Variants in CCT6B observed in about 807,000 individuals in gnomAD.
CCT6B encodes the protein chaperonin containing TCP1 subunit 6B.
A neutral mutation model predicts 61.5 loss-of-function variants in CCT6B; 49 were observed. The ratio of observed to expected loss-of-function variants is 0.80; its 90% CI spans 0.63 to 1.01. The LOEUF (loss-of-function observed/expected upper bound fraction) is 1.01. CCT6B is among the 50% of genes least tolerant of loss of function. The pLI, the probability that CCT6B is intolerant of heterozygous loss-of-function variation, is 0.00. For synonymous variants in CCT6B, 228 were observed against 214.5 expected (o/e 1.06, Z -0.55); for missense variants, 666 against 634.7 (o/e 1.05, Z -0.53).
chr17:34,934,843 C>T (rs1321597210), intron 10 of CCT6B, among the ~76,000 whole-genome samples: 1 of 152,052 alleles, frequency 6.6e-6, no homozygotes, highest in Non-Finnish European at 1.5e-5. Flanking sequence ...TGTTCTAACA[C>T]CAAAAAAGAT....
chr17:34,958,321 G>A lies in CCT6B; in HGVS notation c.336+239C>T, dbSNP rs186023483. ...TAGCCAGGCATGATGGCGCATGCCTGTAATCCCAGCTACTCGGGAAGCTGA... is the reference window on the plus strand; with the variant it reads ...TAGCCAGGCATGATGGCGCATGCCTATAATCCCAGCTACTCGGGAAGCTGA... On this transcript the variant is annotated intron_variant, in intron 3 of 13. Transcript: ENST00000314144. Among the ~76,000 whole-genome samples the A allele has an allele frequency of 2.6e-3, 399 of 152,242 alleles. 3 individuals carry two copies. The highest frequency in any genetic ancestry group is 0.012 in the Admixed American group (177 of 15,288).
intron 10 of CCT6B, among the ~76,000 whole-genome samples, chr17:34,933,657 TAAGA>T (rs1279966703): frequency 1.3e-5 from 2 of 152,200 alleles, no homozygotes; most frequent in Admixed American, 6.5e-5. Flanking sequence ...CCACCCAGCT[TAAGA>T]AAGAGATTAC....
chr17:34,931,646 A>C (rs2090037913), intron 11 of CCT6B, among the ~76,000 whole-genome samples: 1 of 152,218 alleles, frequency 6.6e-6, no homozygotes, highest in South Asian at 2.1e-4. Flanking sequence ...GCAGGATCAT[A>C]CTGACTTTGC....
chr17:34,939,319 C>T lies in CCT6B; in HGVS notation c.1077G>A (p.Lys359=), dbSNP rs574427480. The change falls in exon 10 of 14, where the codon AAG becomes AAA. Residue 359 remains lysine (K), a synonymous_variant. Coordinates refer to ENST00000314144, the MANE Select transcript of CCT6B (RefSeq NM_006584.4). ...TAACACACTCCTCAATAAAAGTGAA[C>T]TTTTCTTCACCCTAAAGGGTGGCAC... ...LVYEYTLGEE[K]FTFIEECVNP... is the part of the protein sequence containing the mutation. 6.2e-7 allele frequency: 1 copy of T among 1,612,718 alleles called. No homozygotes were observed. The highest frequency in any genetic ancestry group is 1.3e-5 in the African/African-American group (1 of 74,984).
intron 12 of CCT6B, among the ~76,000 whole-genome samples, chr17:34,930,668 T>C (rs1255322673): frequency 6.6e-6 from 1 of 152,200 alleles, no homozygotes; most frequent in Non-Finnish European, 1.5e-5. Flanking sequence ...AGTTTATTTA[T>C]TAAAGTTATT....
intron 5 of CCT6B, among the ~76,000 whole-genome samples, chr17:34,945,759 C>T (rs1228475042): frequency 6.6e-6 from 1 of 152,154 alleles, no homozygotes; most frequent in Non-Finnish European, 1.5e-5. Context: ...ATCAGTCCTA[C>T]TATCAAAAAC....
In CCT6B at chr17:34,948,591, G is replaced by C. The variant is rs186697176; in HGVS notation, c.614+3359C>G. Among the ~76,000 whole-genome samples, 53 of 151,842 alleles carry C rather than the reference G, an allele frequency of 3.5e-4. 1 individual carries two copies. Among genetic ancestry groups the C allele is most frequent in the African/African-American group, 1.2e-3 (50 of 41,424 alleles). The stretch of plus-strand genomic sequence containing the variant: ...TAGCTGAATGTTTTGGCACATGCCC[G>C]CAATACCAGCTACTTGGGAGGCTAA... On this transcript the variant is annotated intron_variant, in intron 5 of 13. Transcript: ENST00000314144.
At position 34,959,645 on chromosome 17, in the gene CCT6B, A is replaced by G. The variant is rs2230552; in HGVS notation, c.143T>C (p.Val48Ala). 359,833 of 1,603,448 alleles carry G rather than the reference A, an allele frequency of 0.22. 45,160 individuals are homozygous for G. Among genetic ancestry groups the G allele is most frequent in the East Asian group, 0.57 (25,433 of 44,804 alleles). The part of the protein sequence containing the change: ...LGPKGTMKML[V>A]SGAGDIKLTK... ...GAGTTTGATGTCACCTGCACCAGAAACAAGCCTGTTCAGAGAAGAATGATA... is the reference window on the plus strand; with the variant it reads ...GAGTTTGATGTCACCTGCACCAGAAGCAAGCCTGTTCAGAGAAGAATGATA... The change falls in exon 2 of 14, where the codon GTT becomes GCT. Residue 48 changes from valine (V) to alanine (A), a missense_variant. Val to Ala is a moderately conservative substitution (Grantham distance 64). Transcript: ENST00000314144.
At chr17:34,932,646 CT>C (rs2090049612) in intron 10 of CCT6B, 146 bp from the exon 11 acceptor site, 1 of 647,380 alleles carries the variant, frequency 1.5e-6, no homozygotes, top group South Asian at 2.7e-5. Flanking sequence ...ACTCAGTTAT[CT>C]TATGAAACAT....
At chr17:34,959,765 G>T (rs1277397394) in intron 1 of CCT6B, 115 bp from the exon 2 acceptor site, 6 of 657,924 alleles carry the variant, frequency 9.1e-6, no homozygotes, top group Middle Eastern at 2.5e-4. Context: ...CTGTACCATG[G>T]GAATATGCCA....
At chr17:34,937,308 G>A (rs2090105652) in intron 10 of CCT6B, among the ~76,000 whole-genome samples, 1 of 152,074 alleles carries the variant, frequency 6.6e-6, no homozygotes, top group African/African-American at 2.4e-5. Context: ...TAACAATACT[G>A]ATTTCAAGAT....
chr17:34,945,199 C>T (rs896485825), intron 5 of CCT6B, among the ~76,000 whole-genome samples: 1 of 152,186 alleles, frequency 6.6e-6, no homozygotes, highest in Non-Finnish European at 1.5e-5. Context: ...TTACTATATT[C>T]ACTTCCCAGA....
chr17:34,939,241 T>C lies in CCT6B; in HGVS notation c.1155A>G (p.Thr385=). ...LVKGPNKHTL[T]QVKDAIRDGL... ...CATCTCTTATGGCATCCTTGACTTGTGTGAGAGTATGCTTATTTGGTCCTT... is the reference window on the plus strand; with the variant it reads ...CATCTCTTATGGCATCCTTGACTTGCGTGAGAGTATGCTTATTTGGTCCTT... The change falls in exon 10 of 14, where the codon ACA becomes ACG. Residue 385 remains threonine (T), a synonymous_variant. Transcript: ENST00000314144. The C allele has an allele frequency of 1.9e-6, 3 of 1,613,896 alleles. No homozygotes were observed. Among genetic ancestry groups the C allele is most frequent in the Non-Finnish European group, 2.5e-6 (3 of 1,179,830 alleles).
intron 10 of CCT6B, among the ~76,000 whole-genome samples, chr17:34,934,659 G>C (rs1290028556): frequency 6.6e-6 from 1 of 152,102 alleles, no homozygotes; most frequent in East Asian, 1.9e-4. Context: ...AATTGAATGT[G>C]TCATTAAAAG....
At chr17:34,940,703 T>C in intron 7 of CCT6B, 82 bp from the exon 8 acceptor site, 2 of 627,072 alleles carry the variant, frequency 3.2e-6, no homozygotes, top group African/African-American at 3.8e-5. Context: ...ACCACTTTAC[T>C]CTCTTAAAAA....
At position 34,940,567 on chromosome 17, in the gene CCT6B, G is replaced by C. The variant is rs567919309; in HGVS notation, c.940C>G (p.Arg314Gly). The C allele has an allele frequency of 6.3e-7, 1 of 1,582,174 alleles. No homozygotes were observed. Among genetic ancestry groups the C allele is most frequent in the Non-Finnish European group, 8.6e-7 (1 of 1,161,484 alleles). ...TCCATATTTCTTCTTTTTGCTCTGCGAAGAGCTACTATTCCATGTTTTGCA... is the reference window on the plus strand; with the variant it reads ...TCCATATTTCTTCTTTTTGCTCTGCCAAGAGCTACTATTCCATGTTTTGCA... ...SLAKHGIVAL[R>G]RAKRRNMERL... Residue 314 changes from arginine (R) to glycine (G), a missense_variant, in exon 8 of 14, where the codon CGC (arginine) becomes GGC (glycine). Physicochemically the swap from Arg to Gly is moderately radical, Grantham distance 125 (BLOSUM62 -2). Coordinates refer to ENST00000314144, the MANE Select transcript of CCT6B (RefSeq NM_006584.4).
chr17:34,944,128 A>T (rs944490860), intron 5 of CCT6B: 1 of 152,210 alleles, frequency 6.6e-6, no homozygotes, highest in African/African-American at 2.4e-5. Context: ...TCTAGAAACA[A>T]TAACACTATG....
chr17:34,948,725 A>C (rs1259467192), intron 5 of CCT6B, among the ~76,000 whole-genome samples: 1 of 151,378 alleles, frequency 6.6e-6, no homozygotes, highest in African/African-American at 2.4e-5. Flanking sequence ...AAAAAAAAAA[A>C]AAAAACAAAA....
intron 2 of CCT6B, 56 bp downstream of exon 2, chr17:34,959,531 C>T: frequency 8.2e-7 from 1 of 1,224,824 alleles, no homozygotes; most frequent in South Asian, 1.2e-5. Context: ...ACAAGTTCTA[C>T]TATGCTTCTA....
Sources: allele counts gnomAD v4.1 joint callset (sites outside exome capture counted in the v4.1 genomes callset), GRCh38; gene constraint gnomAD v4.1.1; transcripts MANE v1.5; gene names NCBI Gene and HGNC (gene_info 2026-07-23, HGNC 2026-07-21).